Variants in PTCHD4 observed in about 807,000 individuals in gnomAD.
The protein encoded by PTCHD4 is patched domain containing 4.
PTCHD4 carries 33 observed loss-of-function variants against 58.1 expected under a neutral mutation model. The ratio of observed to expected loss-of-function variants is 0.57; its 90% CI spans 0.43 to 0.76. PTCHD4 has a LOEUF of 0.76. PTCHD4 is among the 30% of genes least tolerant of loss of function. PTCHD4 has a pLI of 0.00. For synonymous variants in PTCHD4, 478 were observed against 409.6 expected (o/e 1.17, Z -2.02); for missense variants, 1,058 against 1,027.1 (o/e 1.03, Z -0.41).
intron 1 of PTCHD4, among the ~76,000 whole-genome samples, chr6:48,089,381 A>G (rs1465662248): frequency 2.6e-5 from 4 of 152,206 alleles, no homozygotes; most frequent in Non-Finnish European, 5.9e-5. Flanking sequence ...TGTGGGATAA[A>G]GAAGAATCAC....
intron 1 of PTCHD4, among the ~76,000 whole-genome samples, chr6:48,097,609 A>G (rs567144548): frequency 1.3e-5 from 2 of 152,334 alleles, no homozygotes; most frequent in African/African-American, 4.8e-5. Flanking sequence ...AATTATTTAA[A>G]TCAGCAAGGT....
intron 1 of PTCHD4, among the ~76,000 whole-genome samples, chr6:48,098,701 T>A (rs578221920): frequency 4.8e-4 from 73 of 152,324 alleles, no homozygotes; most frequent in African/African-American, 1.7e-3. Flanking sequence ...TTTGGTAATA[T>A]CTATTACCGC....
chr6:48,050,555 TTC>T (rs1295991672), intron 3 of PTCHD4, among the ~76,000 whole-genome samples: 2 of 152,030 alleles, frequency 1.3e-5, no homozygotes, highest in Admixed American at 6.6e-5. Flanking sequence ...TGCCTCAGTT[TTC>T]TCACTGTAAA....
chr6:48,102,863 A>G (rs1765637057), intron 1 of PTCHD4, among the ~76,000 whole-genome samples: 2 of 152,206 alleles, frequency 1.3e-5, no homozygotes, highest in South Asian at 4.1e-4. Flanking sequence ...TTGCTAGCAC[A>G]GCAGTCTGAG....
rs550004181 is a variant in PTCHD4 at position 47,962,920 on chromosome 6, G to T, written c.898+45714C>A. ...CACGCCTGTAATCCTAGCACTTTGG[G>T]AGGCCGAGGCAGATGGATTGCCTGA... On this transcript the variant is annotated intron_variant, in intron 4 of 4. Transcript: ENST00000339488. Among the ~76,000 whole-genome samples, 3 of 152,056 alleles carry T rather than the reference G, an allele frequency of 2.0e-5. No individual in the cohort carries two copies. The East Asian group carries it at 5.8e-4, about 30-fold the overall frequency.
chr6:48,017,581 G>A (rs1222789046), intron 3 of PTCHD4, among the ~76,000 whole-genome samples: 1 of 152,118 alleles, frequency 6.6e-6, no homozygotes, highest in African/African-American at 2.4e-5. Context: ...TAACACATGT[G>A]GTAGAATCAG....
At chr6:48,008,537 T>C (rs1762546996) in intron 4 of PTCHD4, 97 bp downstream of exon 4, 1 of 1,378,628 alleles carries the variant, frequency 7.3e-7, no homozygotes, top group Non-Finnish European at 9.7e-7. Flanking sequence ...GACACCCCAA[T>C]GCAAAATTAA....
At chr6:48,077,148 C>G (rs1312223016) in intron 1 of PTCHD4, among the ~76,000 whole-genome samples, 1 of 152,186 alleles carries the variant, frequency 6.6e-6, no homozygotes, top group African/African-American at 2.4e-5. Context: ...GTAAAGTGTA[C>G]TGTAAACAGA....
intron 1 of PTCHD4, among the ~76,000 whole-genome samples, chr6:48,082,700 A>G (rs1765188622): frequency 6.6e-6 from 1 of 152,154 alleles, no homozygotes; most frequent in Non-Finnish European, 1.5e-5. Context: ...ACTACTTTAA[A>G]CCAAAGGTTT....
Position 47,859,979 on chromosome 6 carries a change from G to A in PTCHD4, c.*18324C>T, listed in dbSNP as rs991001192. Among the ~76,000 whole-genome samples, 2 of 151,926 alleles carry A rather than the reference G, an allele frequency of 1.3e-5. No individual in the cohort carries two copies. Among genetic ancestry groups the A allele is most frequent in the Non-Finnish European group, 2.9e-5 (2 of 67,936 alleles). Reference sequence around the variant, plus strand: ...GAGACAGGGGAACAGACTGGGTGGGGCTTCCCCTCTTTCGTGAATCTCCCA... The same window carrying A: ...GAGACAGGGGAACAGACTGGGTGGGACTTCCCCTCTTTCGTGAATCTCCCA... On this transcript the variant is annotated 3_prime_UTR_variant, in exon 5 of 5. Coordinates refer to ENST00000339488, the MANE Select transcript of PTCHD4 (RefSeq NM_001384253.1).
chr6:47,898,859 A>G (rs1163132100), intron 4 of PTCHD4, among the ~76,000 whole-genome samples: 2 of 152,180 alleles, frequency 1.3e-5, no homozygotes, highest in African/African-American at 4.8e-5. Context: ...AAGAGAAGCA[A>G]GTGTCCTTTC....
chr6:47,877,262 A>G lies in PTCHD4; in HGVS notation c.*1041T>C, dbSNP rs1763871961. ...ACAGTTATTTTCCCTATCTAAAATA[A>G]GAACGGTGTAACTATGGAGTACCCC... On this transcript the variant is annotated 3_prime_UTR_variant, in exon 5 of 5. Coordinates refer to ENST00000339488, the MANE Select transcript of PTCHD4 (RefSeq NM_001384253.1). 6.6e-6 allele frequency among the ~76,000 whole-genome samples: 1 copy of G among 152,138 alleles called. No individual in the cohort carries two copies. Among genetic ancestry groups the G allele is most frequent in the Admixed American group, 6.5e-5 (1 of 15,268 alleles).
Position 47,856,928 on chromosome 6 carries a change from A to G in PTCHD4, c.*21375T>C, listed in dbSNP as rs1763322710. On this transcript the variant is annotated 3_prime_UTR_variant, in exon 5 of 5. Coordinates refer to ENST00000339488, the MANE Select transcript of PTCHD4 (RefSeq NM_001384253.1). ...TAATAGCTTTTCATAATGGGAAGGG[A>G]CAATATTCATATTTAAATAATGATA... is the stretch of plus-strand genomic sequence containing the variant. Among the ~76,000 whole-genome samples, 1 of 152,068 alleles carries G rather than the reference A, an allele frequency of 6.6e-6. No homozygotes were observed. Among genetic ancestry groups the G allele is most frequent in the African/African-American group, 2.4e-5 (1 of 41,430 alleles).
intron 4 of PTCHD4, among the ~76,000 whole-genome samples, chr6:47,906,480 A>G (rs904576298): frequency 6.6e-6 from 1 of 152,068 alleles, no homozygotes; most frequent in African/African-American, 2.4e-5. Context: ...CACGAGCCAT[A>G]TACTCTGGTT....
chr6:47,884,163 G>A (rs1192905816), intron 4 of PTCHD4, among the ~76,000 whole-genome samples: 1 of 151,874 alleles, frequency 6.6e-6, no homozygotes, highest in Admixed American at 6.6e-5. Flanking sequence ...TGTTCAGATA[G>A]GTAACTACCT....
chr6:47,953,660 A>G (rs555231819), intron 4 of PTCHD4, among the ~76,000 whole-genome samples: 130 of 152,304 alleles, frequency 8.5e-4, no homozygotes, highest in Non-Finnish European at 1.5e-3. Flanking sequence ...ATCTCGGTCC[A>G]AAGTGCTTTG....
In PTCHD4 at chr6:47,859,991, T is replaced by C. The variant is rs1323476388; in HGVS notation, c.*18312A>G. ...CAGACTGGGTGGGGCTTCCCCTCTT[T>C]CGTGAATCTCCCACCCAAGTTAATG... is the stretch of plus-strand genomic sequence containing the variant. On this transcript the variant is annotated 3_prime_UTR_variant, in exon 5 of 5. Transcript: ENST00000339488. Among the ~76,000 whole-genome samples the C allele has an allele frequency of 6.6e-5, 10 of 151,938 alleles. No homozygotes were observed. Among genetic ancestry groups the C allele is most frequent in the Admixed American group, 1.3e-4 (2 of 15,240 alleles).
At chr6:48,059,089 C>T (rs1291628051) in intron 3 of PTCHD4, among the ~76,000 whole-genome samples, 1 of 152,174 alleles carries the variant, frequency 6.6e-6, no homozygotes, top group Non-Finnish European at 1.5e-5. Context: ...TATAATGAAC[C>T]AGGTGCTGTT....
chr6:47,957,702 G>A (rs1159743607), intron 4 of PTCHD4, among the ~76,000 whole-genome samples: 2 of 151,150 alleles, frequency 1.3e-5, no homozygotes, highest in African/African-American at 2.4e-5. Flanking sequence ...CCGGGTTCAC[G>A]CCATTCTTCT....
Sources: allele counts gnomAD v4.1 joint callset (sites outside exome capture counted in the v4.1 genomes callset), GRCh38; gene constraint gnomAD v4.1.1; transcripts MANE v1.5; gene names NCBI Gene and HGNC (gene_info 2026-07-23, HGNC 2026-07-21).